Variants in ZC3H12C observed in about 807,000 individuals in gnomAD.
The protein encoded by ZC3H12C is probable ribonuclease ZC3H12C.
A neutral mutation model predicts 76.3 loss-of-function variants in ZC3H12C; 20 were observed. That is an observed-to-expected ratio of 0.26 (90% confidence interval 0.18 to 0.38). The LOEUF is 0.38. ZC3H12C is among the 10% of genes least tolerant of loss of function. ZC3H12C has a pLI of 1.00. For missense variants in ZC3H12C, 874 were observed against 1,086.5 expected, an observed-to-expected ratio of 0.80 and a Z score of 2.75; for synonymous variants, 352 against 399.6, an observed-to-expected ratio of 0.88 and a Z score of 1.42.
At chr11:110,143,856 C>T (rs1862113351) in intron 2 of ZC3H12C, among the ~76,000 whole-genome samples, 1 of 152,134 alleles carries the variant, frequency 6.6e-6, no homozygotes, top group African/African-American at 2.4e-5. Context: ...ATTCTAGCCA[C>T]TTCATTGACA....
chr11:110,120,165 C>T (rs1297625449), intron 1 of ZC3H12C, among the ~76,000 whole-genome samples: 1 of 152,122 alleles, frequency 6.6e-6, no homozygotes, highest in East Asian at 1.9e-4. Context: ...GTGTTTGGCA[C>T]CTAGGAGGTG....
intron 1 of ZC3H12C, among the ~76,000 whole-genome samples, chr11:110,107,576 AGTGCAATG>A (rs1477255774): frequency 6.6e-6 from 1 of 151,256 alleles, no homozygotes; most frequent in Non-Finnish European, 1.5e-5. Context: ...CCTAGGCTGG[AGTGCAATG>A]GTGCAATCTT....
intron 1 of ZC3H12C, among the ~76,000 whole-genome samples, chr11:110,115,364 G>A (rs1312138432): frequency 2.6e-5 from 4 of 151,810 alleles, no homozygotes; most frequent in African/African-American, 7.3e-5. Context: ...GTGCAGTGGC[G>A]TGATCTTGGC....
At chr11:110,120,615 C>T (rs548326046) in intron 1 of ZC3H12C, among the ~76,000 whole-genome samples, 8 of 152,158 alleles carry the variant, frequency 5.3e-5, no homozygotes, top group Non-Finnish European at 1.0e-4. Flanking sequence ...CACCATTCTC[C>T]CTGCACACTT....
intron 1 of ZC3H12C, among the ~76,000 whole-genome samples, chr11:110,094,387 T>G (rs539927008): frequency 2.0e-5 from 3 of 152,336 alleles, no homozygotes; most frequent in South Asian, 4.1e-4. Flanking sequence ...GAGCTAAGTA[T>G]TGTATGTTTA....
At chr11:110,118,650 A>C (rs1591465822) in intron 1 of ZC3H12C, among the ~76,000 whole-genome samples, 1 of 152,096 alleles carries the variant, frequency 6.6e-6, no homozygotes, top group African/African-American at 2.4e-5. Context: ...TATAAAAATT[A>C]GCTGGGCATG....
At position 110,159,453 on chromosome 11, in the gene ZC3H12C, G is replaced by A; in HGVS notation, c.1111G>A (p.Asp371Asn). 1 of 1,612,858 alleles carries A rather than the reference G, an allele frequency of 6.2e-7. No homozygotes were observed. Among genetic ancestry groups the A allele is most frequent in the Non-Finnish European group, 8.5e-7 (1 of 1,179,398 alleles). ...NEKPEWKKFI[D>N]ERLLMYSFVN... ...GAAGCCAGAATGGAAGAAGTTCATA[G>A]ATGAACGATTATTAATGTATTCATT... Residue 371 changes from aspartate (D) to asparagine (N), a missense_variant, in exon 4 of 6, where the codon GAT becomes AAT. By Grantham distance (23) the Asp-to-Asn change is conservative. Around this residue, in one of 3 missense-constraint regions of ZC3H12C, gnomAD observed 269 missense variants for 424.9 expected, o/e 0.63. Transcript: ENST00000278590.
intron 1 of ZC3H12C, chr11:110,136,236 G>GA: frequency 6.5e-6 from 1 of 153,908 alleles, no homozygotes; most frequent in South Asian, 2.1e-4. Context: ...TTCTGTTAGA[G>GA]AAAAATGTAA....
intron 1 of ZC3H12C, among the ~76,000 whole-genome samples, chr11:110,132,671 G>C (rs1591473276): frequency 6.6e-6 from 1 of 152,056 alleles, no homozygotes; most frequent in African/African-American, 2.4e-5. Flanking sequence ...TTAAAAATTA[G>C]CTGCATTTCT....
intron 4 of ZC3H12C, among the ~76,000 whole-genome samples, chr11:110,161,730 T>TTA (rs1204193685): frequency 1.3e-5 from 2 of 152,196 alleles, no homozygotes; most frequent in Non-Finnish European, 2.9e-5. Flanking sequence ...TCTGTATTAT[T>TTA]TATAATTGCA....
chr11:110,124,040 C>G (rs796316030), intron 1 of ZC3H12C: 1 of 152,244 alleles, frequency 6.6e-6, no homozygotes, highest in African/African-American at 2.4e-5. Flanking sequence ...TTGAAAAGGA[C>G]TGGTCCTTAC....
intron 2 of ZC3H12C, among the ~76,000 whole-genome samples, chr11:110,140,677 G>A (rs1862052509): frequency 6.6e-6 from 1 of 152,178 alleles, no homozygotes; most frequent in Non-Finnish European, 1.5e-5. Context: ...TCTGGGATTA[G>A]ATTAAATCTC....
intron 2 of ZC3H12C, among the ~76,000 whole-genome samples, chr11:110,144,158 C>T (rs1862120391): frequency 6.6e-6 from 1 of 152,102 alleles, no homozygotes; most frequent in African/African-American, 2.4e-5. Flanking sequence ...GCATTTTGCT[C>T]TAAAAGTCAT....
At chr11:110,101,359 A>G (rs1457751645) in intron 1 of ZC3H12C, among the ~76,000 whole-genome samples, 1 of 152,330 alleles carries the variant, frequency 6.6e-6, no homozygotes, top group African/African-American at 2.4e-5. Context: ...TCTATAGACT[A>G]AACAGCTTTA....
In ZC3H12C at chr11:110,170,460, A is replaced by G. The variant is rs1037679978; in HGVS notation, c.*4723A>G. On this transcript the variant is annotated 3_prime_UTR_variant, in exon 6 of 6. Transcript: ENST00000278590. ...AAAAATGATTTTAAAGAAGATAAAT[A>G]TATTGTAATTTCACATGCTATAGCT... The G allele has an allele frequency of 3.9e-5, 6 of 152,204 alleles. No homozygotes were observed. The highest frequency in any genetic ancestry group is 7.2e-5 in the African/African-American group (3 of 41,470). 9.4% of individuals were successfully genotyped at this position (152,204 alleles called of 1,614,324 possible).
chr11:110,134,287 C>T (rs572719894), intron 1 of ZC3H12C, among the ~76,000 whole-genome samples: 25 of 152,238 alleles, frequency 1.6e-4, no homozygotes, highest in Admixed American at 5.2e-4. Context: ...GTCCCAGTCT[C>T]TTTTATAGGC....
At chr11:110,093,827 C>T (rs529468334) in intron 1 of ZC3H12C, among the ~76,000 whole-genome samples, 1 of 152,082 alleles carries the variant, frequency 6.6e-6, no homozygotes, top group Non-Finnish European at 1.5e-5. Flanking sequence ...GCTGCCCCAG[C>T]GGCTCAGACT....
At chr11:110,163,732 C>T (rs75355279) in intron 5 of ZC3H12C, among the ~76,000 whole-genome samples, 194 of 152,220 alleles carry the variant, frequency 1.3e-3, no homozygotes, top group African/African-American at 4.5e-3. Flanking sequence ...AACAGAATTT[C>T]CTACCTAATT....
At chr11:110,100,324 G>T (rs958487514) in intron 1 of ZC3H12C, among the ~76,000 whole-genome samples, 1 of 151,388 alleles carries the variant, frequency 6.6e-6, no homozygotes, top group African/African-American at 2.4e-5. Flanking sequence ...GATTACAGGC[G>T]TGAGCCACTA....
Sources: allele counts gnomAD v4.1 joint callset (sites outside exome capture counted in the v4.1 genomes callset), GRCh38; gene constraint gnomAD v4.1.1; regional missense constraint gnomAD v4.1.1; transcripts MANE v1.5; gene names NCBI Gene and HGNC (gene_info 2026-07-23, HGNC 2026-07-21).